CYP46A1: variants seen among roughly 807,000 people sequenced by gnomAD.
CYP46A1 encodes cholesterol 24-hydroxylase.
A neutral mutation model predicts 63.3 loss-of-function variants in CYP46A1; 20 were observed. That is an observed-to-expected ratio of 0.32 (90% CI 0.22 to 0.46). CYP46A1 has a LOEUF of 0.46. Ranked by LOEUF, CYP46A1 falls within the 20% of genes least tolerant of loss-of-function variation. CYP46A1 has a pLI of 1.00. For synonymous variants in CYP46A1, 268 were observed against 273.6 expected, an observed-to-expected ratio of 0.98 and a Z score of 0.20; for missense variants, 445 against 670.8, an observed-to-expected ratio of 0.66 and a Z score of 3.72.
Position 99,721,944 on chromosome 14 carries a change from T to C in CYP46A1, c.1066-12T>C. Reference sequence around the variant, plus strand: ...CGACTCTCCTTGTTATCTCCCCTTGTGGCTTCTCTAGGTCCTCAAAGAGTC... The same window carrying C: ...CGACTCTCCTTGTTATCTCCCCTTGCGGCTTCTCTAGGTCCTCAAAGAGTC... On this transcript the variant is annotated splice_polypyrimidine_tract_variant and intron_variant, in intron 11 of 14. Transcript: ENST00000261835. 6.2e-7 allele frequency: 1 copy of C among 1,607,880 alleles called. No individual in the cohort carries two copies. Among genetic ancestry groups the C allele is most frequent in the Non-Finnish European group, 8.5e-7 (1 of 1,175,040 alleles).
At chr14:99,719,523 C>T (rs1392504087) in intron 10 of CYP46A1, among the ~76,000 whole-genome samples, 2 of 151,768 alleles carry the variant, frequency 1.3e-5, no homozygotes, top group Non-Finnish European at 2.9e-5. Context: ...CTCCTGGCCT[C>T]CGTCTCCAGA....
intron 7 of CYP46A1, chr14:99,709,939 G>C (rs1005208375): frequency 6.6e-6 from 1 of 152,122 alleles, no homozygotes; most frequent in Non-Finnish European, 1.5e-5. Context: ...CAAAGTGCTG[G>C]AAATTAAAAA....
At chr14:99,701,117 A>G (rs903125059) in intron 5 of CYP46A1, among the ~76,000 whole-genome samples, 2 of 152,274 alleles carry the variant, frequency 1.3e-5, no homozygotes, top group Non-Finnish European at 2.9e-5. Context: ...AAATGTTATT[A>G]CAAGAGTCAA....
rs139529204 is a variant in CYP46A1, at chr14:99,720,813, G to A, written c.981-426G>A. Among the ~76,000 whole-genome samples, 578 of 152,316 alleles carry A rather than the reference G, an allele frequency of 3.8e-3. 2 individuals are homozygous for A. The highest frequency in any genetic ancestry group is 5.9e-3 in the Non-Finnish European group (402 of 68,034). On this transcript the variant is annotated intron_variant, in intron 10 of 14. Transcript: ENST00000261835. The stretch of plus-strand genomic sequence containing the variant: ...TTTAACAGTCTTTGGGCTGGGCACA[G>A]TGGCTCATGCCTGTAATCCCAGCAC...
At chr14:99,699,895 C>T in intron 4 of CYP46A1, 120 bp from the exon 5 acceptor site, 1 of 687,446 alleles carries the variant, frequency 1.5e-6, no homozygotes, top group Non-Finnish European at 2.5e-6. Context: ...TGTGGCGCAA[C>T]CGTCGCCACC....
chr14:99,718,036 C>T lies in CYP46A1; in HGVS notation c.908-18C>T, dbSNP rs545088142. On this transcript the variant is annotated intron_variant, in intron 9 of 14. Coordinates refer to ENST00000261835, the MANE Select transcript of CYP46A1 (RefSeq NM_006668.2). ...CTGTGGCCCCATGTGGAGCAACCAC[C>T]GTCCTCCCTTCCCACAGGTCACGAG... 1.1e-5 allele frequency: 18 copies of T among 1,608,524 alleles called. No homozygotes were observed. Among genetic ancestry groups the T allele is most frequent in the East Asian group, 4.5e-5 (2 of 44,846 alleles).
chr14:99,711,290 G>A lies in CYP46A1; in HGVS notation c.693+3612G>A, dbSNP rs532568062. ...AAATCAAAGCCAAAATTAGTAGAAGGAAATAAATATCAGTGCAGAATTAAA... is the reference window on the plus strand; with the variant it reads ...AAATCAAAGCCAAAATTAGTAGAAGAAAATAAATATCAGTGCAGAATTAAA... On this transcript the variant is annotated intron_variant, in intron 7 of 14. Transcript: ENST00000261835. 5.3e-5 allele frequency: 8 copies of A among 151,868 alleles called. No individual in the cohort carries two copies. The South Asian group carries it at 1.7e-3, about 32-fold the overall frequency. The allele number at this position is 151,868 out of a possible 1,614,324, so 9.4% of individuals were successfully genotyped here. A position where few individuals can be genotyped will look rare whatever the true frequency, so the allele number is the denominator to read the frequency against.
At chr14:99,709,576 G>T (rs2056711036) in intron 7 of CYP46A1, 1 of 152,198 alleles carries the variant, frequency 6.6e-6, no homozygotes, top group Non-Finnish European at 1.5e-5. Context: ...CCAGTTCCGG[G>T]AATTTCAGGA....
chr14:99,699,378 T>G, intron 3 of CYP46A1, 88 bp from the exon 4 acceptor site: 2 of 1,251,016 alleles, frequency 1.6e-6, no homozygotes, highest in Non-Finnish European at 2.4e-6. Flanking sequence ...ACTCAGCCAA[T>G]GGTGATTATT....
intron 9 of CYP46A1, among the ~76,000 whole-genome samples, chr14:99,717,133 G>C (rs2056797499): frequency 6.6e-6 from 1 of 152,168 alleles, no homozygotes; most frequent in Non-Finnish European, 1.5e-5. Flanking sequence ...TCCTGCAGCT[G>C]GGAACCCAGG....
intron 10 of CYP46A1, among the ~76,000 whole-genome samples, chr14:99,720,962 G>A (rs1395035771): frequency 1.3e-5 from 2 of 152,050 alleles, no homozygotes; most frequent in Non-Finnish European, 1.5e-5. Flanking sequence ...GTGGGTGCCT[G>A]TAATCCCAGC....
chr14:99,700,264 GGAGA>G (rs34779504), intron 5 of CYP46A1, among the ~76,000 whole-genome samples, 163 bp downstream of exon 5: 1 of 151,118 alleles, frequency 6.6e-6, no homozygotes, highest in South Asian at 2.1e-4. Flanking sequence ...TAGTCAAAAG[GGAGA>G]GAGAGAGAGA....
chr14:99,691,280 C>A (rs2056540823), intron 2 of CYP46A1, 119 bp downstream of exon 2: 2 of 986,514 alleles, frequency 2.0e-6, no homozygotes, highest in Non-Finnish European at 3.2e-6. Context: ...TTACTCCCAG[C>A]CCCAGCAGTT....
Position 99,685,099 on chromosome 14 carries a change from C to G in CYP46A1, c.119+563C>G, listed in dbSNP as rs1458913593. On this transcript the variant is annotated intron_variant, in intron 1 of 14. Coordinates refer to ENST00000261835, the MANE Select transcript of CYP46A1 (RefSeq NM_006668.2). ...CCCTCAACTTGCCAACCCCCCCCCACCCCCAGCTTAGCTTTGTGAAGCTTA... is the reference window on the plus strand; with the variant it reads ...CCCTCAACTTGCCAACCCCCCCCCAGCCCCAGCTTAGCTTTGTGAAGCTTA... 1.6e-3 allele frequency among the ~76,000 whole-genome samples: 8 copies of G among 4,898 alleles called. 1 individual carries two copies. The highest frequency in any genetic ancestry group is 0.026 in the South Asian group (2 of 78). 3.2% of individuals were successfully genotyped at this position (4,898 alleles called of 152,430 possible).
rs1595179621 is a variant in CYP46A1 at position 99,684,300 on chromosome 14, G to A, written c.-118G>A. 1 of 441,690 alleles carries A rather than the reference G, an allele frequency of 2.3e-6. No individual in the cohort carries two copies. Among genetic ancestry groups the A allele is most frequent in the East Asian group, 5.5e-5 (1 of 18,068 alleles). The allele number at this position is 441,690 out of a possible 1,614,324, so 27.4% of individuals were successfully genotyped here. A position where few individuals can be genotyped will look rare whatever the true frequency, so the allele number is the denominator to read the frequency against. ...GCCGAGCGGGCGGGGAGGGTGCTGG[G>A]TCGCGCCTGGCCTGGGGCCGAGGCG... is the stretch of plus-strand genomic sequence containing the variant. On this transcript the variant is annotated 5_prime_UTR_variant, in exon 1 of 15. Coordinates refer to ENST00000261835, the MANE Select transcript of CYP46A1 (RefSeq NM_006668.2).
chr14:99,701,275 G>A (rs998352401), intron 5 of CYP46A1, among the ~76,000 whole-genome samples: 8 of 152,128 alleles, frequency 5.3e-5, no homozygotes, highest in African/African-American at 1.9e-4. Context: ...TAATGTCCTA[G>A]GCCTTCACAC....
intron 1 of CYP46A1, among the ~76,000 whole-genome samples, chr14:99,689,136 C>T (rs189415094): frequency 1.3e-5 from 2 of 150,098 alleles, no homozygotes; most frequent in Admixed American, 6.6e-5. Flanking sequence ...TGTCTCTAGC[C>T]TACAGCCCTT....
At chr14:99,715,715 G>C in intron 7 of CYP46A1, 95 bp from the exon 8 acceptor site, 1 of 1,536,054 alleles carries the variant, frequency 6.5e-7, no homozygotes, top group Admixed American at 1.8e-5. Flanking sequence ...CTCCCAGCTT[G>C]CCAGTGCCGC....
At chr14:99,709,433 G>C (rs1415690735) in intron 7 of CYP46A1, 1 of 152,108 alleles carries the variant, frequency 6.6e-6, no homozygotes, top group Non-Finnish European at 1.5e-5. Context: ...TTCAACAATA[G>C]ACTAGATTAA....
Sources: gnomAD v4.1 joint callset for allele counts (sites outside exome capture counted in the v4.1 genomes callset) on GRCh38, gnomAD v4.1.1 for gene constraint, MANE v1.5 for transcripts, NCBI Gene and HGNC (gene_info 2026-07-23, HGNC 2026-07-21) for gene names.